ST7: variants seen among roughly 807,000 people sequenced by gnomAD.
ST7 encodes the protein suppression of tumorigenicity 7, also known as suppressor of tumorigenicity 7 protein.
ST7 carries 28 observed loss-of-function variants against 78.7 expected under a neutral mutation model. The ratio of observed to expected loss-of-function variants is 0.36; its 90% CI spans 0.26 to 0.49. The LOEUF is 0.49. Among genes scored for constraint, ST7 ranks in the 20% least tolerant of loss-of-function variants. The pLI, the probability that ST7 is intolerant of heterozygous loss-of-function variation, is 0.99. For synonymous variants in ST7, 247 were observed against 249.6 expected, an observed-to-expected ratio of 0.99 and a Z score of 0.10; for missense variants, 418 against 696.0, an observed-to-expected ratio of 0.60 and a Z score of 4.49.
intron 1 of ST7, among the ~76,000 whole-genome samples, chr7:116,981,919 G>C (rs1793978023): frequency 6.6e-6 from 1 of 152,218 alleles, no homozygotes; most frequent in Admixed American, 6.5e-5. Context: ...TTGTGCTACA[G>C]TGTTATAATG....
At chr7:117,149,954 C>T (rs556890834) in intron 9 of ST7, among the ~76,000 whole-genome samples, 56 of 152,252 alleles carry the variant, frequency 3.7e-4, no homozygotes, top group Admixed American at 9.8e-4. Flanking sequence ...TGTGGTGGTT[C>T]ATTTCCTCCA....
intron 1 of ST7, chr7:116,955,030 C>A: frequency 2.2e-6 from 1 of 444,496 alleles, no homozygotes; most frequent in South Asian, 1.7e-5. Flanking sequence ...CTAGAATTGT[C>A]TCACCATTTG....
In ST7 at chr7:117,185,041, C is replaced by A. The variant is rs538675286; in HGVS notation, c.1079-4280C>A. On this transcript the variant is annotated intron_variant, in intron 10 of 15. Transcript: ENST00000323984. ...AATGAAAGAGGAGGTGCTCATGGAGCAGGCAGCCTAAATACTTTCTCCTAG... is the reference window on the plus strand; with the variant it reads ...AATGAAAGAGGAGGTGCTCATGGAGAAGGCAGCCTAAATACTTTCTCCTAG... Among the ~76,000 whole-genome samples the A allele has an allele frequency of 2.0e-5, 3 of 152,266 alleles. No individual in the cohort carries two copies. The South Asian group carries it at 6.2e-4, about 32-fold the overall frequency.
intron 1 of ST7, chr7:116,972,673 G>A (rs74217565): frequency 0.074 from 78,122 of 1,050,284 alleles, 3,166 homozygotes; most frequent in East Asian, 0.11. Context: ...AGTTTTTTCC[G>A]CTTCTTCCAG....
At chr7:117,205,754 C>T (rs1162769729) in intron 12 of ST7, among the ~76,000 whole-genome samples, 1 of 152,144 alleles carries the variant, frequency 6.6e-6, no homozygotes, top group African/African-American at 2.4e-5. Context: ...TGGAGGCTGA[C>T]ACAAATAGAT....
intron 12 of ST7, among the ~76,000 whole-genome samples, chr7:117,205,992 C>T (rs1791718834): frequency 6.6e-6 from 1 of 152,188 alleles, no homozygotes; most frequent in African/African-American, 2.4e-5. Flanking sequence ...TTTCTCTTGA[C>T]AAGTAAGATG....
chr7:117,023,715 T>G (rs971203163), intron 1 of ST7, among the ~76,000 whole-genome samples: 4 of 152,162 alleles, frequency 2.6e-5, no homozygotes, highest in Admixed American at 2.6e-4. Context: ...AAGAAGAAAG[T>G]ACTATCAAGT....
At chr7:117,081,822 G>T (rs1799799785) in intron 1 of ST7, among the ~76,000 whole-genome samples, 1 of 152,042 alleles carries the variant, frequency 6.6e-6, no homozygotes, top group African/African-American at 2.4e-5. Flanking sequence ...ATATACCAGG[G>T]TTCCACTAGA....
rs1180129551 is a variant in ST7, at chr7:117,138,467, A to C, written c.898A>C (p.Arg300=). ...CACCAATGTCTTGGTGTACATCAAAAGAAGGCTAGCAATGTGTGCCAGAAG... is the reference window on the plus strand; with the variant it reads ...CACCAATGTCTTGGTGTACATCAAACGAAGGCTAGCAATGTGTGCCAGAAG... The part of the protein sequence containing the change: ...RDTNVLVYIK[R]RLAMCARRLG... The change falls in exon 9 of 16, where the codon AGA becomes CGA. Residue 300 remains arginine, a synonymous_variant. Coordinates refer to ENST00000323984, the MANE Select transcript of ST7 (RefSeq NM_001369598.1). The C allele has an allele frequency of 5.6e-6, 9 of 1,610,288 alleles. No individual in the cohort carries two copies. Among genetic ancestry groups the C allele is most frequent in the Non-Finnish European group, 5.1e-6 (6 of 1,178,066 alleles).
rs185488579 is a variant in ST7 at position 117,136,339 on chromosome 7, A to G, written c.865+104A>G. 2.9e-6 allele frequency: 4 copies of G among 1,390,412 alleles called. No individual in the cohort carries two copies. The East Asian group carries it at 9.2e-5, about 32-fold the overall frequency. The allele number at this position is 1,390,412 out of a possible 1,614,324, so 86.1% of individuals were successfully genotyped here. A position where few individuals can be genotyped will look rare whatever the true frequency, so the allele number is the denominator to read the frequency against. On this transcript the variant is annotated intron_variant, in intron 8 of 15. Coordinates refer to ENST00000323984, the MANE Select transcript of ST7 (RefSeq NM_001369598.1). ...TCAAAATATGATTCTCCTAGACAAG[A>G]GAAAATATTGGCTTTTGCTTTGTTT...
chr7:117,017,057 A>G lies in ST7; in HGVS notation c.151+63366A>G, dbSNP rs142072705. Among the ~76,000 whole-genome samples the G allele has an allele frequency of 9.5e-3, 1,448 of 151,908 alleles. 24 individuals carry two copies. Among genetic ancestry groups the G allele is most frequent in the African/African-American group, 0.033 (1,359 of 41,406 alleles). Reference sequence around the variant, plus strand: ...TTCTATTAAGGCCTTTGCATGAAACACTCTTCCTTCCACGTGGTTTTCAGG... The same window carrying G: ...TTCTATTAAGGCCTTTGCATGAAACGCTCTTCCTTCCACGTGGTTTTCAGG... On this transcript the variant is annotated intron_variant, in intron 1 of 15. Coordinates refer to ENST00000323984, the MANE Select transcript of ST7 (RefSeq NM_001369598.1).
At chr7:117,118,726 T>C (rs977438823) in intron 2 of ST7, among the ~76,000 whole-genome samples, 2 of 152,032 alleles carry the variant, frequency 1.3e-5, no homozygotes, top group African/African-American at 4.8e-5. Context: ...CTTTGAGCAG[T>C]GGTAGGAAGT....
intron 1 of ST7, among the ~76,000 whole-genome samples, chr7:116,982,560 T>G (rs1794006249): frequency 6.6e-6 from 1 of 152,200 alleles, no homozygotes; most frequent in Non-Finnish European, 1.5e-5. Flanking sequence ...TTTACTAACA[T>G]TATTTTAATA....
chr7:117,228,927 C>T (rs1793611686), intron 15 of ST7, among the ~76,000 whole-genome samples: 1 of 152,152 alleles, frequency 6.6e-6, no homozygotes, highest in Non-Finnish European at 1.5e-5. Context: ...CCCAACAACT[C>T]TCTCTTCCCT....
At chr7:117,081,892 T>TGAGAGAGAGA (rs142782899) in intron 1 of ST7, among the ~76,000 whole-genome samples, 25 of 146,978 alleles carry the variant, frequency 1.7e-4, no homozygotes, top group South Asian at 2.2e-4. Context: ...AAATAGAGAT[T>TGAGAGAGAGA]GAGAGAGAGA....
At chr7:117,122,870 T>C (rs1317516472) in intron 3 of ST7, among the ~76,000 whole-genome samples, 1 of 152,222 alleles carries the variant, frequency 6.6e-6, no homozygotes, top group African/African-American at 2.4e-5. Flanking sequence ...GTACATTAGG[T>C]ACATTGTCTG....
intron 1 of ST7, among the ~76,000 whole-genome samples, chr7:116,992,000 C>A (rs151019056): frequency 3.0e-4 from 45 of 152,254 alleles, no homozygotes; most frequent in Non-Finnish European, 4.9e-4. Context: ...GTCTCACATC[C>A]CGGTCACACT....
At chr7:117,202,452 C>T (rs551367631) in intron 12 of ST7, among the ~76,000 whole-genome samples, 18 of 152,280 alleles carry the variant, frequency 1.2e-4, no homozygotes, top group Admixed American at 3.9e-4. Flanking sequence ...CCTGCTAAGC[C>T]TCTTCCTCCT....
At chr7:116,977,123 T>C (rs910475982) in intron 1 of ST7, among the ~76,000 whole-genome samples, 10 of 152,348 alleles carry the variant, frequency 6.6e-5, no homozygotes, top group African/African-American at 2.4e-4. Flanking sequence ...ATGTCAGATA[T>C]TCTGAGGACC....
Sources: gnomAD v4.1 joint callset for allele counts (sites outside exome capture counted in the v4.1 genomes callset) on GRCh38, gnomAD v4.1.1 for gene constraint, MANE v1.5 for transcripts, NCBI Gene and HGNC (gene_info 2026-07-23, HGNC 2026-07-21) for gene names.